Variants in DDIT4 observed in about 807,000 individuals in gnomAD.
DDIT4 encodes DNA damage inducible transcript 4, also known as DNA damage-inducible transcript 4 protein.
Under a neutral mutation model 20.2 loss-of-function variants are expected in DDIT4, and 20 were observed. The ratio of observed to expected loss-of-function variants is 0.99; its 90% CI spans 0.70 to 1.44. The LOEUF (loss-of-function observed/expected upper bound fraction) is 1.44, where lower values mean the gene tolerates loss of function less well. DDIT4 is among the 40% of genes most tolerant of loss of function. DDIT4 has a pLI of 0.00. For missense variants in DDIT4, 316 were observed against 298.1 expected (o/e 1.06, Z -0.44); for synonymous variants, 152 against 144.6 (o/e 1.05, Z -0.37).
Position 72,274,209 on chromosome 10 carries a change from T to C in DDIT4, c.-8T>C. 1.2e-6 allele frequency: 2 copies of C among 1,611,264 alleles called. No homozygotes were observed. Among genetic ancestry groups the C allele is most frequent in the Non-Finnish European group, 1.7e-6 (2 of 1,177,914 alleles). Reference sequence around the variant, plus strand: ...TCATCAGCAAACGCCCTGGCGTCTGTCCTCACCATGCCTAGCCTTTGGGAC... The same window carrying C: ...TCATCAGCAAACGCCCTGGCGTCTGCCCTCACCATGCCTAGCCTTTGGGAC... On this transcript the variant is annotated 5_prime_UTR_variant, in exon 2 of 3. Transcript: ENST00000307365.
In DDIT4 at chr10:72,274,806, A is replaced by G. The variant is rs1475651865; in HGVS notation, c.317A>G (p.Gln106Arg). 1.9e-6 allele frequency: 3 copies of G among 1,613,754 alleles called. No homozygotes were observed. In the African/African-American group the frequency reaches 4.0e-5, roughly 22 times the overall value. The change falls in exon 3 of 3, where the codon CAG becomes CGG. Residue 106 changes from glutamine (Q) to arginine (R), a missense_variant. Transcript: ENST00000307365. ...LMQLLQESLA[Q>R]ARLGSRRPAR... is the part of the protein sequence containing the mutation. ...CAGCTGCTGCAGGAGAGCCTGGCCC[A>G]GGCGCGGCTGGGCTCTCGACGCCCT...
rs1002557726 is a variant in DDIT4 at position 72,275,362 on chromosome 10, C to T, written c.*174C>T. On this transcript the variant is annotated 3_prime_UTR_variant, in exon 3 of 3. Transcript: ENST00000307365. The stretch of plus-strand genomic sequence containing the variant: ...CCCAGGAAGCTCATTGAGTTGTGTG[C>T]GGGTGGCTGTGCATTGGGGACACAT... The T allele has an allele frequency of 7.0e-6, 5 of 714,234 alleles. No homozygotes were observed. The highest frequency in any genetic ancestry group is 1.1e-5 in the Non-Finnish European group (5 of 441,360). 44.2% of individuals were successfully genotyped at this position (714,234 alleles called of 1,614,324 possible). A position where few individuals can be genotyped will look rare whatever the true frequency, so the allele number is the denominator to read the frequency against.
rs1336425799 is a variant in DDIT4 at position 72,275,464 on chromosome 10, C to T, written c.*276C>T. Reference sequence around the variant, plus strand: ...CAGCTGGATGTGTGTGTAGCATGTACCTTATTATTTTTGTTACTGACAGTT... The same window carrying T: ...CAGCTGGATGTGTGTGTAGCATGTATCTTATTATTTTTGTTACTGACAGTT... On this transcript the variant is annotated 3_prime_UTR_variant, in exon 3 of 3. Coordinates refer to ENST00000307365, the MANE Select transcript of DDIT4 (RefSeq NM_019058.4). The T allele has an allele frequency of 5.2e-6, 2 of 387,170 alleles. No homozygotes were observed. The highest frequency in any genetic ancestry group is 9.4e-6 in the Non-Finnish European group (2 of 212,774). 24.0% of individuals were successfully genotyped at this position (387,170 alleles called of 1,614,324 possible).
At position 72,275,414 on chromosome 10, in the gene DDIT4, A is replaced by G; in HGVS notation, c.*226A>G. The G allele has an allele frequency of 1.8e-6, 1 of 553,708 alleles. No homozygotes were observed. The highest frequency in any genetic ancestry group is 3.2e-6 in the Non-Finnish European group (1 of 311,958). The allele number at this position is 553,708 out of a possible 1,614,324, so 34.3% of individuals were successfully genotyped here. On this transcript the variant is annotated 3_prime_UTR_variant, in exon 3 of 3. Transcript: ENST00000307365. ...CCCCTCAGTACTGTAGCATGAAACA[A>G]AGGCTTAGGGGCCAACAAGGCTTCC...
intron 2 of DDIT4, 95 bp downstream of exon 2, chr10:72,274,516 C>T: frequency 1.4e-6 from 2 of 1,413,388 alleles, no homozygotes; most frequent in Non-Finnish European, 1.9e-6. Flanking sequence ...GGCTTCCTAT[C>T]CCATCGGGAC....
chr10:72,274,231 G>A lies in DDIT4; in HGVS notation c.15G>A (p.Trp5Ter). 6.2e-7 allele frequency: 1 copy of A among 1,613,628 alleles called. No individual in the cohort carries two copies. Among genetic ancestry groups the A allele is most frequent in the Non-Finnish European group, 8.5e-7 (1 of 1,179,846 alleles). The change falls in exon 2 of 3, where the codon TGG (tryptophan) becomes TGA (stop). Residue 5 changes from tryptophan (W) to a stop codon, truncating the protein, a stop_gained. Coordinates refer to ENST00000307365, the MANE Select transcript of DDIT4 (RefSeq NM_019058.4). LOFTEE classifies it high-confidence loss of function. ...CTGTCCTCACCATGCCTAGCCTTTG[G>A]GACCGCTTCTCGTCGTCGTCCACCT... The part of the protein sequence containing the change: MPSL[W>*]DRFSSSSTSS...
rs1383383525 is a variant in DDIT4 at position 72,275,059 on chromosome 10, G to C, written c.570G>C (p.Gln190His). 6.2e-7 allele frequency: 1 copy of C among 1,613,628 alleles called. No individual in the cohort carries two copies. Among genetic ancestry groups the C allele is most frequent in the Admixed American group, 1.7e-5 (1 of 60,010 alleles). The change falls in exon 3 of 3, where the codon CAG becomes CAC. Residue 190 changes from glutamine to histidine, a missense_variant. By Grantham distance (24) the Gln-to-His change is conservative. Coordinates refer to ENST00000307365, the MANE Select transcript of DDIT4 (RefSeq NM_019058.4). ...RLDSRLWPKI[Q>H]GLFSSANSPF... Reference sequence around the variant, plus strand: ...ACTCACGACTCTGGCCCAAGATCCAGGGGCTGTTTAGCTCCGCCAACTCTC... The same window carrying C: ...ACTCACGACTCTGGCCCAAGATCCACGGGCTGTTTAGCTCCGCCAACTCTC...
Position 72,274,257 on chromosome 10 carries a change from C to A in DDIT4, c.41C>A (p.Ser14Tyr), listed in dbSNP as rs1165305824. The A allele has an allele frequency of 1.9e-6, 3 of 1,613,816 alleles. No individual in the cohort carries two copies. Among genetic ancestry groups the A allele is most frequent in the Non-Finnish European group, 2.5e-6 (3 of 1,179,970 alleles). The change falls in exon 2 of 3, where the codon TCC becomes TAC. Residue 14 changes from serine to tyrosine, a missense_variant. Ser to Tyr is a moderately radical substitution (Grantham distance 144). Coordinates refer to ENST00000307365, the MANE Select transcript of DDIT4 (RefSeq NM_019058.4). ...GACCGCTTCTCGTCGTCGTCCACCT[C>A]CTCTTCGCCCTCGTCCTTGCCCCGA... ...LWDRFSSSSTSSSPSSLPRTP... is the reference protein window; with the variant it reads ...LWDRFSSSSTYSSPSSLPRTP...
Position 72,275,442 on chromosome 10 carries a change from C to CT in DDIT4, c.*255dup. The CT allele has an allele frequency of 2.0e-6, 1 of 508,608 alleles. No individual in the cohort carries two copies. The highest frequency in any genetic ancestry group is 3.5e-6 in the Non-Finnish European group (1 of 283,874). The allele number at this position is 508,608 out of a possible 1,614,324, so 31.5% of individuals were successfully genotyped here. On this transcript the variant is annotated 3_prime_UTR_variant, in exon 3 of 3. Transcript: ENST00000307365. Reference sequence around the variant, plus strand: ...GCTTAGGGGCCAACAAGGCTTCCAGCTGGATGTGTGTGTAGCATGTACCTT... The same window carrying CT: ...GCTTAGGGGCCAACAAGGCTTCCAGCTTGGATGTGTGTGTAGCATGTACCTT...
Position 72,274,064 on chromosome 10 carries a change from A to G in DDIT4, c.-61+4A>G, listed in dbSNP as rs1253887306. 3 of 673,684 alleles carry G rather than the reference A, an allele frequency of 4.5e-6. No homozygotes were observed. The highest frequency in any genetic ancestry group is 4.7e-5 in the Admixed American group (2 of 42,656). 41.7% of individuals were successfully genotyped at this position (673,684 alleles called of 1,614,324 possible). On this transcript the variant is annotated splice_donor_region_variant and intron_variant, in intron 1 of 2. Transcript: ENST00000307365. ...TTCTCGCTGACCGCGCTAGCTGGTG[A>G]GTGTCCCTTCTGTGTGTGGGTCCTA...
Position 72,275,380 on chromosome 10 carries a change from G to A in DDIT4, c.*192G>A, listed in dbSNP as rs1005556271. The A allele has an allele frequency of 4.8e-6, 3 of 627,590 alleles. No individual in the cohort carries two copies. The highest frequency in any genetic ancestry group is 3.7e-5 in the African/African-American group (2 of 54,364). The allele number at this position is 627,590 out of a possible 1,614,324, so 38.9% of individuals were successfully genotyped here. ...TTGTGTGCGGGTGGCTGTGCATTGG[G>A]GACACATACCCCTCAGTACTGTAGC... is the stretch of plus-strand genomic sequence containing the variant. On this transcript the variant is annotated 3_prime_UTR_variant, in exon 3 of 3. Transcript: ENST00000307365.
At chr10:72,274,588 C>T in intron 2 of DDIT4, 107 bp from the exon 3 acceptor site, 2 of 1,456,546 alleles carry the variant, frequency 1.4e-6, no homozygotes, top group South Asian at 2.7e-5. Flanking sequence ...AACTGAGGCA[C>T]GGAGTGGGAA....
chr10:72,274,563 G>A, intron 2 of DDIT4, 132 bp from the exon 3 acceptor site: 2 of 1,422,144 alleles, frequency 1.4e-6, no homozygotes, highest in East Asian at 2.3e-5. Context: ...TGGAGTATAA[G>A]GTGAGTGAGG....
rs150709456 is a variant in DDIT4 at position 72,274,773 on chromosome 10, A to T, written c.284A>T (p.Asn95Ile). 1.2e-6 allele frequency: 2 copies of T among 1,614,030 alleles called. No homozygotes were observed. Among genetic ancestry groups the T allele is most frequent in the African/African-American group, 1.3e-5 (1 of 75,066 alleles). ...SDPEDEHLCA[N>I]LMQLLQESLA... is the part of the protein sequence containing the mutation. The stretch of plus-strand genomic sequence containing the variant: ...CCTGAGGATGAACACTTGTGTGCCA[A>T]CCTGATGCAGCTGCTGCAGGAGAGC... Residue 95 changes from asparagine to isoleucine, a missense_variant, in exon 3 of 3, where the codon AAC becomes ATC. By Grantham distance (149) the Asn-to-Ile change is moderately radical. Transcript: ENST00000307365.
intron 2 of DDIT4, 87 bp downstream of exon 2, chr10:72,274,508 C>T: frequency 5.6e-6 from 8 of 1,435,948 alleles, no homozygotes; most frequent in Non-Finnish European, 7.4e-6. Flanking sequence ...GCCGCCTTGG[C>T]TTCCTATCCC....
At chr10:72,274,602 G>T (rs1268526336) in intron 2 of DDIT4, 93 bp from the exon 3 acceptor site, 2 of 1,483,384 alleles carry the variant, frequency 1.3e-6, no homozygotes, top group African/African-American at 2.8e-5. Flanking sequence ...GTGGGAAGGA[G>T]CGTTGGTTTC....
intron 2 of DDIT4, 91 bp from the exon 3 acceptor site, chr10:72,274,604 G>C (rs1860804574): frequency 1.3e-6 from 2 of 1,484,742 alleles, no homozygotes; most frequent in African/African-American, 1.4e-5. Context: ...GGGAAGGAGC[G>C]TTGGTTTCTT....
rs1290281838 is a variant in DDIT4 at position 72,275,020 on chromosome 10, C to G, written c.531C>G (p.Leu177=). Residue 177 remains leucine, a synonymous_variant, in exon 3 of 3, where the codon CTC becomes CTG. Coordinates refer to ENST00000307365, the MANE Select transcript of DDIT4 (RefSeq NM_019058.4). The part of the protein sequence containing the change: ...PSLVPTFQLT[L]VLRLDSRLWP... ...TGGTGCCCACCTTCCAGCTGACCCT[C>G]GTGCTGCGCCTGGACTCACGACTCT... is the stretch of plus-strand genomic sequence containing the variant. 14 of 1,613,508 alleles carry G rather than the reference C, an allele frequency of 8.7e-6. No homozygotes were observed. The highest frequency in any genetic ancestry group is 1.7e-5 in the Admixed American group (1 of 60,006).
Position 72,275,399 on chromosome 10 carries a change from C to G in DDIT4, c.*211C>G. 1.7e-6 allele frequency: 1 copy of G among 584,116 alleles called. No homozygotes were observed. The highest frequency in any genetic ancestry group is 3.0e-6 in the Non-Finnish European group (1 of 330,996). 36.2% of individuals were successfully genotyped at this position (584,116 alleles called of 1,614,324 possible). A position where few individuals can be genotyped will look rare whatever the true frequency, so the allele number is the denominator to read the frequency against. ...CATTGGGGACACATACCCCTCAGTACTGTAGCATGAAACAAAGGCTTAGGG... is the reference window on the plus strand; with the variant it reads ...CATTGGGGACACATACCCCTCAGTAGTGTAGCATGAAACAAAGGCTTAGGG... On this transcript the variant is annotated 3_prime_UTR_variant, in exon 3 of 3. Coordinates refer to ENST00000307365, the MANE Select transcript of DDIT4 (RefSeq NM_019058.4).
Sources: gnomAD v4.1 joint callset for allele counts on GRCh38, gnomAD v4.1.1 for gene constraint, MANE v1.5 for transcripts, NCBI Gene and HGNC (gene_info 2026-07-23, HGNC 2026-07-21) for gene names.